The following JCAD variants were observed in gnomAD, a reference collection of about 807,000 sequenced individuals.
JCAD encodes junctional cadherin 5 associated.
In JCAD, 40 loss-of-function variants were observed where a neutral mutation model predicts 98.0. The ratio of observed to expected loss-of-function variants is 0.41; its 90% CI spans 0.32 to 0.53. The LOEUF (loss-of-function observed/expected upper bound fraction) is 0.53. JCAD is among the 20% of genes least tolerant of loss of function. JCAD has a pLI of 0.31. For synonymous variants in JCAD, 691 were observed against 682.3 expected (o/e 1.01, Z -0.20); for missense variants, 1,705 against 1,738.1 (o/e 0.98, Z 0.34).
intron 3 of JCAD, among the ~76,000 whole-genome samples, chr10:30,019,042 C>T (rs1285058187): frequency 6.6e-6 from 1 of 152,094 alleles, no homozygotes; most frequent in Non-Finnish European, 1.5e-5. Context: ...TCAAGGTTTT[C>T]ATGACTGGAT....
chr10:30,026,009 A>G lies in JCAD; in HGVS notation c.4045+94T>C, dbSNP rs529455591. 1.0e-5 allele frequency: 14 copies of G among 1,389,088 alleles called. No homozygotes were observed. The African/African-American group carries it at 1.8e-4, about 18-fold the overall frequency. 86.0% of individuals were successfully genotyped at this position (1,389,088 alleles called of 1,614,324 possible). On this transcript the variant is annotated intron_variant, in intron 3 of 3. Coordinates refer to ENST00000375377, the MANE Select transcript of JCAD (RefSeq NM_020848.4). ...AGGGTCAACTTGATCTTTTCTGAAT[A>G]TGCAGATTTACATTATCCACCAACC... is the stretch of plus-strand genomic sequence containing the variant.
At chr10:30,055,612 T>C (rs1033370130) in intron 1 of JCAD, among the ~76,000 whole-genome samples, 4 of 152,250 alleles carry the variant, frequency 2.6e-5, no homozygotes, top group African/African-American at 7.2e-5. Context: ...ACACGTGTGA[T>C]GACCAACTCT....
chr10:30,036,911 G>A (rs1837123849), intron 2 of JCAD, among the ~76,000 whole-genome samples: 1 of 152,210 alleles, frequency 6.6e-6, no homozygotes, highest in African/African-American at 2.4e-5. Context: ...CAACCCTAGT[G>A]TCATGTTCTA....
At chr10:30,088,104 G>C (rs947049791) in intron 1 of JCAD, among the ~76,000 whole-genome samples, 4 of 152,196 alleles carry the variant, frequency 2.6e-5, no homozygotes, top group Non-Finnish European at 5.9e-5. Context: ...CTCCCAAAGT[G>C]CTGGGATTAC....
At chr10:30,040,067 C>T (rs747565687) in intron 2 of JCAD, among the ~76,000 whole-genome samples, 7 of 152,084 alleles carry the variant, frequency 4.6e-5, no homozygotes, top group African/African-American at 7.2e-5. Flanking sequence ...GAAGGGGGTG[C>T]GGGTGGCACA....
At position 30,012,958 on chromosome 10, in the gene JCAD, T is replaced by G. The variant is rs572956105; in HGVS notation, c.*4925A>C. On this transcript the variant is annotated 3_prime_UTR_variant, in exon 4 of 4. Transcript: ENST00000375377. ...CGGCATTTTATCTGCTACTTTGTCC[T>G]GCTTCTCTCTTCCCTGTGCTCATTA... 1 of 152,628 alleles carries G rather than the reference T, an allele frequency of 6.6e-6. No individual in the cohort carries two copies. The highest frequency in any genetic ancestry group is 2.1e-4 in the South Asian group (1 of 4,830). 9.5% of individuals were successfully genotyped at this position (152,628 alleles called of 1,614,324 possible). A position where few individuals can be genotyped will look rare whatever the true frequency, so the allele number is the denominator to read the frequency against.
chr10:30,079,346 CAAA>C (rs373809311), intron 1 of JCAD, among the ~76,000 whole-genome samples: 6 of 64,668 alleles, frequency 9.3e-5, no homozygotes, highest in Non-Finnish European at 1.6e-4. Flanking sequence ...GACTCCATCT[CAAA>C]AAAAAAAAAA....
rs1186090090 is a variant in JCAD at position 30,027,237 on chromosome 10, T to C, written c.2911A>G (p.Ser971Gly). 6 of 1,614,252 alleles carry C rather than the reference T, an allele frequency of 3.7e-6. No individual in the cohort carries two copies. The highest frequency in any genetic ancestry group is 1.7e-5 in the Admixed American group (1 of 60,036). The change falls in exon 3 of 4, where the codon AGC becomes GGC. Residue 971 changes from serine to glycine, a missense_variant. Physicochemically the swap from Ser to Gly is moderately conservative, Grantham distance 56. Around this residue, in one of 3 missense-constraint regions of JCAD, gnomAD observed 1,278 missense variants for 1,243.1 expected, o/e 1.03. Coordinates refer to ENST00000375377, the MANE Select transcript of JCAD (RefSeq NM_020848.4). ...VSNGMDELAG[S>G]PFPVTRMSSR... Reference sequence around the variant, plus strand: ...GACATTCTCGTCACAGGAAATGGGCTACCTGCCAGCTCGTCCATTCCGTTG... The same window carrying C: ...GACATTCTCGTCACAGGAAATGGGCCACCTGCCAGCTCGTCCATTCCGTTG...
intron 1 of JCAD, among the ~76,000 whole-genome samples, chr10:30,079,414 C>T (rs1838039970): frequency 1.3e-5 from 2 of 150,548 alleles, no homozygotes; most frequent in Admixed American, 1.3e-4. Flanking sequence ...CAACAGAGAG[C>T]AAAAAGGTAG....
At chr10:30,100,486 A>T (rs184484523) in intron 1 of JCAD, among the ~76,000 whole-genome samples, 41 of 152,144 alleles carry the variant, frequency 2.7e-4, no homozygotes, top group African/African-American at 9.4e-4. Flanking sequence ...GGTTCAAGCA[A>T]TTCTCCTGCC....
Position 30,028,707 on chromosome 10 carries a change from T to A in JCAD, c.1441A>T (p.Ile481Leu), listed in dbSNP as rs879529658. The A allele has an allele frequency of 1.9e-6, 3 of 1,613,078 alleles. No individual in the cohort carries two copies. Among genetic ancestry groups the A allele is most frequent in the Non-Finnish European group, 2.5e-6 (3 of 1,179,438 alleles). The change falls in exon 3 of 4, where the codon ATA becomes TTA. Residue 481 changes from isoleucine (I) to leucine (L), a missense_variant. Physicochemically the swap from Ile to Leu is conservative, Grantham distance 5. Transcript: ENST00000375377. ...DGAIWNPQSLIPPSGDERGLV... is the reference protein window; with the variant it reads ...DGAIWNPQSLLPPSGDERGLV... Reference sequence around the variant, plus strand: ...CCTCTCTCATCCCCCGACGGGGGTATTAAGCTCTGTGGATTCCAAATGGCA... The same window carrying A: ...CCTCTCTCATCCCCCGACGGGGGTAATAAGCTCTGTGGATTCCAAATGGCA...
chr10:30,102,283 C>T (rs536828131), intron 1 of JCAD, among the ~76,000 whole-genome samples: 60 of 152,130 alleles, frequency 3.9e-4, no homozygotes, highest in Non-Finnish European at 7.3e-4. Context: ...ATTCTCCTGC[C>T]TCAGCCTCCC....
At position 30,017,377 on chromosome 10, in the gene JCAD, A is replaced by G. The variant is rs1836555710; in HGVS notation, c.*506T>C. 5.9e-6 allele frequency: 1 copy of G among 169,682 alleles called. No individual in the cohort carries two copies. Among genetic ancestry groups the G allele is most frequent in the South Asian group, 1.6e-4 (1 of 6,424 alleles). 10.5% of individuals were successfully genotyped at this position (169,682 alleles called of 1,614,324 possible). On this transcript the variant is annotated 3_prime_UTR_variant, in exon 4 of 4. Coordinates refer to ENST00000375377, the MANE Select transcript of JCAD (RefSeq NM_020848.4). ...AGAAGGCCAAATTGATTAGAAATGG[A>G]TCATACCTATTGATTCACATTTCCC...
At chr10:30,073,302 C>T (rs1457761570) in intron 1 of JCAD, among the ~76,000 whole-genome samples, 1 of 152,200 alleles carries the variant, frequency 6.6e-6, no homozygotes, top group Non-Finnish European at 1.5e-5. Context: ...TAATGATCCA[C>T]AGTCTGGTTA....
intron 3 of JCAD, among the ~76,000 whole-genome samples, chr10:30,022,372 G>A (rs778823366): frequency 1.3e-5 from 2 of 151,534 alleles, no homozygotes; most frequent in African/African-American, 2.4e-5. Flanking sequence ...TAGCATGCTG[G>A]GGTCATGGGG....
upstream of JCAD, among the ~76,000 whole-genome samples, chr10:30,061,724 A>C (rs1343288549): frequency 6.7e-6 from 1 of 150,094 alleles, no homozygotes; most frequent in African/African-American, 2.5e-5. Context: ...AGAAAAGGAA[A>C]TGCAGACTTT....
chr10:30,080,275 C>T (rs1838059248), intron 1 of JCAD, among the ~76,000 whole-genome samples: 1 of 152,162 alleles, frequency 6.6e-6, no homozygotes, highest in Non-Finnish European at 1.5e-5. Context: ...TCCCTCCTTC[C>T]CATCTTCAAA....
upstream of JCAD, among the ~76,000 whole-genome samples, chr10:30,062,901 G>A (rs765280088): frequency 7.2e-5 from 11 of 152,170 alleles, no homozygotes; most frequent in African/African-American, 1.4e-4. Context: ...AGAGAGTAAG[G>A]TTGAAAAGAT....
intron 1 of JCAD, among the ~76,000 whole-genome samples, chr10:30,100,650 C>T (rs950699097): frequency 3.3e-5 from 5 of 152,208 alleles, no homozygotes; most frequent in Non-Finnish European, 7.3e-5. Flanking sequence ...TCCCAAAGTG[C>T]TGGGATTACA....
Sources: allele counts gnomAD v4.1 joint callset (sites outside exome capture counted in the v4.1 genomes callset), GRCh38; gene constraint gnomAD v4.1.1; regional missense constraint gnomAD v4.1.1; transcripts MANE v1.5; gene names NCBI Gene and HGNC (gene_info 2026-07-23, HGNC 2026-07-21).